The following DCTN4 variants were observed in gnomAD, a reference collection of about 807,000 sequenced individuals.
The protein encoded by DCTN4 is dynactin 4 (p62).
A neutral mutation model predicts 62.7 loss-of-function variants in DCTN4; 23 were observed. The ratio of observed to expected loss-of-function variants is 0.37; its 90% CI spans 0.26 to 0.52. DCTN4 has a LOEUF of 0.52. Among genes scored for constraint, DCTN4 ranks in the 20% least tolerant of loss-of-function variants. DCTN4 has a pLI of 0.92. For missense variants in DCTN4, 514 were observed against 580.4 expected (o/e 0.89, Z 1.18); for synonymous variants, 199 against 202.1 (o/e 0.98, Z 0.13).
Position 150,756,423 on chromosome 5 carries a change from T to A in DCTN4, c.200A>T (p.Lys67Met). ...AAATCAGTCCAGGTCTTACCTATTC[T>A]TTTTTAGTTTGGCTTCAGCCGATGG... ...NMPSAEAKLK[K>M]NRCANCFDCP... The change falls in exon 2 of 13, where the codon AAG becomes ATG. Residue 67 changes from lysine to methionine, a missense_variant. Coordinates refer to ENST00000447998, the MANE Select transcript of DCTN4 (RefSeq NM_016221.4). 6.3e-7 allele frequency: 1 copy of A among 1,597,198 alleles called. No individual in the cohort carries two copies. The highest frequency in any genetic ancestry group is 8.5e-7 in the Non-Finnish European group (1 of 1,172,298).
At chr5:150,740,688 G>A (rs1760736373) in intron 4 of DCTN4, among the ~76,000 whole-genome samples, 1 of 152,124 alleles carries the variant, frequency 6.6e-6, no homozygotes, top group Non-Finnish European at 1.5e-5. Flanking sequence ...AGAATATGTG[G>A]TATGTATACA....
chr5:150,731,896 A>G, intron 5 of DCTN4: 1 of 1,551,762 alleles, frequency 6.4e-7, no homozygotes, highest in East Asian at 2.4e-5. Context: ...CACTACATGA[A>G]TAGTATGTTG....
At position 150,711,309 on chromosome 5, in the gene DCTN4, G is replaced by A; in HGVS notation, c.1223C>T (p.Pro408Leu). The A allele has an allele frequency of 6.2e-7, 1 of 1,613,296 alleles. No homozygotes were observed. The highest frequency in any genetic ancestry group is 8.5e-7 in the Non-Finnish European group (1 of 1,180,018). The change falls in exon 13 of 13, where the codon CCA (proline) becomes CTA (leucine). Residue 408 changes from proline (P) to leucine (L), a missense_variant. Coordinates refer to ENST00000447998, the MANE Select transcript of DCTN4 (RefSeq NM_016221.4). ...NKVGIFIKVT[P>L]QREEGEVTVC... Reference sequence around the variant, plus strand: ...GGTCACTTCACCCTCCTCACGCTGTGGTGTAACTTTGATGAAAATACCCAC... The same window carrying A: ...GGTCACTTCACCCTCCTCACGCTGTAGTGTAACTTTGATGAAAATACCCAC...
intron 9 of DCTN4, among the ~76,000 whole-genome samples, chr5:150,721,124 T>C (rs17111301): frequency 0.02 from 3,040 of 152,298 alleles, 93 homozygotes; most frequent in African/African-American, 0.067. Context: ...TAGACAAAAA[T>C]AGTAAGTGAC....
At chr5:150,744,055 G>A (rs1369964048) in intron 3 of DCTN4, among the ~76,000 whole-genome samples, 7 of 152,280 alleles carry the variant, frequency 4.6e-5, no homozygotes, top group East Asian at 1.9e-4. Flanking sequence ...AAATTTAGAC[G>A]AATGTATAAC....
In DCTN4 at chr5:150,728,054, G is replaced by A. The variant is rs958186429; in HGVS notation, c.834+2577C>T. 8.6e-5 allele frequency among the ~76,000 whole-genome samples: 13 copies of A among 151,914 alleles called. No individual in the cohort carries two copies. In the East Asian group the frequency reaches 1.9e-3, roughly 23 times the overall value. The stretch of plus-strand genomic sequence containing the variant: ...AAATTCTATAAATTTTCATTTTCCC[G>A]TGCAGTTAGGTAGCAAAATAGCTGG... On this transcript the variant is annotated intron_variant, in intron 8 of 12. Transcript: ENST00000447998.
Position 150,710,469 on chromosome 5 carries a change from T to C in DCTN4, c.*680A>G, listed in dbSNP as rs1225107188. 1.3e-5 allele frequency: 2 copies of C among 152,508 alleles called. No homozygotes were observed. The highest frequency in any genetic ancestry group is 1.9e-4 in the East Asian group (1 of 5,322). 9.4% of individuals were successfully genotyped at this position (152,508 alleles called of 1,614,324 possible). On this transcript the variant is annotated 3_prime_UTR_variant, in exon 13 of 13. Coordinates refer to ENST00000447998, the MANE Select transcript of DCTN4 (RefSeq NM_016221.4). ...TCTCAAATTCTTCTTAAAAGATCCATATTTTACTGGGAAAAAAATTAAGAA... is the reference window on the plus strand; with the variant it reads ...TCTCAAATTCTTCTTAAAAGATCCACATTTTACTGGGAAAAAAATTAAGAA...
chr5:150,756,762 G>C lies in DCTN4; in HGVS notation c.136-275C>G, dbSNP rs145777217. On this transcript the variant is annotated intron_variant, in intron 1 of 12. Coordinates refer to ENST00000447998, the MANE Select transcript of DCTN4 (RefSeq NM_016221.4). ...ATTTAACAATCTACAATTTCCAGTT[G>C]AACTCCATAGAATTCTATGATTAAT... Among the ~76,000 whole-genome samples the C allele has an allele frequency of 7.2e-4, 109 of 151,066 alleles. 2 individuals carry two copies. The East Asian group carries it at 0.019, about 26-fold the overall frequency.
intron 3 of DCTN4, among the ~76,000 whole-genome samples, chr5:150,748,501 G>A (rs1256478213): frequency 3.3e-5 from 5 of 150,852 alleles, no homozygotes; most frequent in Non-Finnish European, 4.4e-5. Flanking sequence ...TGTTTATTGC[G>A]GCACTATTCA....
At chr5:150,739,711 A>C (rs1335548852) in intron 4 of DCTN4, among the ~76,000 whole-genome samples, 1 of 152,166 alleles carries the variant, frequency 6.6e-6, no homozygotes, top group African/African-American at 2.4e-5. Flanking sequence ...ACGCAGCATA[A>C]TACTGGTATA....
At chr5:150,754,284 C>G (rs1271047724) in intron 2 of DCTN4, among the ~76,000 whole-genome samples, 4 of 152,186 alleles carry the variant, frequency 2.6e-5, no homozygotes, top group Non-Finnish European at 5.9e-5. Flanking sequence ...AGTCCTGTAC[C>G]TGCTTGAAGT....
intron 4 of DCTN4, among the ~76,000 whole-genome samples, chr5:150,741,009 A>C (rs528146760): frequency 6.6e-6 from 1 of 152,106 alleles, no homozygotes; most frequent in African/African-American, 2.4e-5. Context: ...TAATTTATCC[A>C]TGTAAGCAAA....
At chr5:150,737,347 G>A (rs1006857420) in intron 4 of DCTN4, among the ~76,000 whole-genome samples, 11 of 152,092 alleles carry the variant, frequency 7.2e-5, no homozygotes, top group African/African-American at 2.7e-4. Context: ...TATTCTCTAA[G>A]ATAGAACATA....
intron 11 of DCTN4, among the ~76,000 whole-genome samples, chr5:150,717,902 C>A (rs1026137697): frequency 2.0e-5 from 3 of 152,180 alleles, no homozygotes; most frequent in African/African-American, 7.2e-5. Flanking sequence ...TGTCATTAAG[C>A]AGCTCTTATG....
At chr5:150,756,639 G>GTTTTTTTTCACCTGT in intron 1 of DCTN4, 152 bp from the exon 2 acceptor site, 1 of 294,186 alleles carries the variant, frequency 3.4e-6, no homozygotes, top group East Asian at 5.6e-5. Context: ...TCAGTCACCT[G>GTTTTTTTTCACCTGT]TTTTTTTTTT....
At chr5:150,750,490 G>C (rs938789205) in intron 3 of DCTN4, among the ~76,000 whole-genome samples, 4 of 152,040 alleles carry the variant, frequency 2.6e-5, no homozygotes, top group Admixed American at 1.3e-4. Flanking sequence ...TGTGCCTTAG[G>C]AAACACATAC....
In DCTN4 at chr5:150,709,890, C is replaced by T. The variant is rs78306800; in HGVS notation, c.*1259G>A. On this transcript the variant is annotated 3_prime_UTR_variant, in exon 13 of 13. Transcript: ENST00000447998. ...ACTAACAATACTTTTACAGAAAACA[C>T]GGTGCAGCTGGTGGTCTACTTTATC... 0.026 allele frequency: 3,968 copies of T among 152,406 alleles called. 76 individuals are homozygous for T. The highest frequency in any genetic ancestry group is 0.038 in the Non-Finnish European group (2,557 of 68,016). 9.4% of individuals were successfully genotyped at this position (152,406 alleles called of 1,614,324 possible).
At position 150,733,362 on chromosome 5, in the gene DCTN4, T is replaced by A. The variant is rs749899753; in HGVS notation, c.537+6A>T. The A allele has an allele frequency of 1.2e-6, 2 of 1,606,534 alleles. No individual in the cohort carries two copies. Among genetic ancestry groups the A allele is most frequent in the Non-Finnish European group, 1.7e-6 (2 of 1,175,422 alleles). On this transcript the variant is annotated splice_donor_region_variant and intron_variant, in intron 5 of 12. Coordinates refer to ENST00000447998, the MANE Select transcript of DCTN4 (RefSeq NM_016221.4). ...CTTGCAAATCATTTTAGTACCAAAT[T>A]CTCACCGAAAAAGCCAGAGGCATAT...
chr5:150,714,653 G>C (rs1293308795), intron 12 of DCTN4, among the ~76,000 whole-genome samples: 1 of 152,090 alleles, frequency 6.6e-6, no homozygotes, highest in Admixed American at 6.6e-5. Flanking sequence ...GAGAATACAG[G>C]GGTAAGCCAC....
Sources: gnomAD v4.1 joint callset for allele counts (sites outside exome capture counted in the v4.1 genomes callset) on GRCh38, gnomAD v4.1.1 for gene constraint, MANE v1.5 for transcripts, NCBI Gene and HGNC (gene_info 2026-07-23, HGNC 2026-07-21) for gene names.